Variants in MYO3A observed in about 807,000 individuals in gnomAD.
The protein encoded by MYO3A is myosin IIIA.
A neutral mutation model predicts 192.7 loss-of-function variants in MYO3A; 180 were observed. The observed-to-expected ratio is 0.93, with a 90% CI of 0.83 to 1.06. The LOEUF (loss-of-function observed/expected upper bound fraction) is 1.06, where lower values mean the gene tolerates loss of function less well. MYO3A is among the 50% of genes least tolerant of loss of function. MYO3A has a pLI of 0.00. For missense variants in MYO3A, 1,896 were observed against 1,905.0 expected (o/e 1.00, Z 0.09); for synonymous variants, 628 against 645.3 (o/e 0.97, Z 0.41).
chr10:26,029,631 G>A (rs564730834), intron 10 of MYO3A, among the ~76,000 whole-genome samples: 1 of 151,746 alleles, frequency 6.6e-6, no homozygotes, highest in African/African-American at 2.4e-5. Flanking sequence ...GTGGTTTTTT[G>A]TTAATCACTC....
At chr10:25,985,283 A>G (rs1336634464) in intron 4 of MYO3A, among the ~76,000 whole-genome samples, 1 of 151,854 alleles carries the variant, frequency 6.6e-6, no homozygotes, top group African/African-American at 2.4e-5. Context: ...AAATATATAC[A>G]ATCTAAAGTC....
intron 4 of MYO3A, among the ~76,000 whole-genome samples, chr10:25,995,617 T>C (rs1347393978): frequency 6.6e-6 from 1 of 152,248 alleles, no homozygotes; most frequent in African/African-American, 2.4e-5. Context: ...TTCTGGTTTT[T>C]CCCCATCTTT....
At chr10:25,980,609 A>G (rs1420256927) in intron 4 of MYO3A, among the ~76,000 whole-genome samples, 1 of 152,198 alleles carries the variant, frequency 6.6e-6, no homozygotes, top group African/African-American at 2.4e-5. Context: ...TCTGGAGAAG[A>G]CATTCTAGGG....
chr10:25,987,223 A>G (rs568958379), intron 4 of MYO3A, among the ~76,000 whole-genome samples: 2 of 152,348 alleles, frequency 1.3e-5, no homozygotes, highest in East Asian at 3.9e-4. Context: ...AGATGGATCA[A>G]AGACTTAAAT....
intron 4 of MYO3A, among the ~76,000 whole-genome samples, chr10:25,995,029 T>C (rs1411596413): frequency 6.6e-6 from 1 of 152,230 alleles, no homozygotes; most frequent in Non-Finnish European, 1.5e-5. Context: ...TGGCGTTCTC[T>C]GTATTTCCTG....
chr10:26,055,606 A>G (rs1445181097), intron 10 of MYO3A, among the ~76,000 whole-genome samples: 1 of 152,186 alleles, frequency 6.6e-6, no homozygotes, highest in African/African-American at 2.4e-5. Flanking sequence ...CCTCCAGATT[A>G]GTCAGGTTCT....
At chr10:25,979,956 G>T (rs1026368807) in intron 4 of MYO3A, among the ~76,000 whole-genome samples, 2 of 151,990 alleles carry the variant, frequency 1.3e-5, no homozygotes, top group Admixed American at 1.3e-4. Flanking sequence ...ACAAGGAAAG[G>T]CCGGGCGCAA....
At chr10:26,024,213 C>G in intron 9 of MYO3A, 126 bp downstream of exon 9, 1 of 895,944 alleles carries the variant, frequency 1.1e-6, no homozygotes, top group Non-Finnish European at 1.7e-6. Flanking sequence ...AAGGAAGCAT[C>G]TATAGTGTCT....
chr10:26,147,616 C>T, intron 23 of MYO3A, 57 bp downstream of exon 23: 6 of 1,610,552 alleles, frequency 3.7e-6, no homozygotes, highest in Non-Finnish European at 5.1e-6. Context: ...TAGTTTCTAT[C>T]TCTGCGCTTT....
At position 26,212,068 on chromosome 10, in the gene MYO3A, G is replaced by A. The variant is rs564167067; in HGVS notation, c.*105G>A. The A allele has an allele frequency of 1.4e-6, 2 of 1,461,480 alleles. No homozygotes were observed. Among genetic ancestry groups the A allele is most frequent in the Admixed American group, 2.4e-5 (1 of 41,528 alleles). 90.5% of individuals were successfully genotyped at this position (1,461,480 alleles called of 1,614,324 possible). ...TGGCACCAGCAGGCACTGAAGCTGC[G>A]GCCCTGATCTCCGCAGAGGCTGCCT... is the stretch of plus-strand genomic sequence containing the variant. On this transcript the variant is annotated 3_prime_UTR_variant, in exon 35 of 35. Transcript: ENST00000642920.
chr10:26,130,924 C>G (rs1055715520), intron 20 of MYO3A, among the ~76,000 whole-genome samples: 2 of 152,190 alleles, frequency 1.3e-5, no homozygotes, highest in Non-Finnish European at 2.9e-5. Context: ...GCTATTAAAT[C>G]TTGAATTAAA....
Position 25,938,358 on chromosome 10 carries a change from TGA to T in MYO3A, c.-18+2531_-18+2532del, listed in dbSNP as rs1836251007. 4.6e-5 allele frequency among the ~76,000 whole-genome samples: 7 copies of T among 152,242 alleles called. No individual in the cohort carries two copies. The South Asian group carries it at 1.5e-3, about 32-fold the overall frequency. The stretch of plus-strand genomic sequence containing the variant: ...TTGAGGCTGAAGTCACTGAGAGTGG[TGA>T]GAACACAGGAAAGTCAGAAATGGCC... On this transcript the variant is annotated intron_variant, in intron 2 of 34. Transcript: ENST00000642920.
At chr10:26,191,258 A>G (rs539166116) in intron 31 of MYO3A, among the ~76,000 whole-genome samples, 1 of 152,324 alleles carries the variant, frequency 6.6e-6, no homozygotes, top group East Asian at 1.9e-4. Context: ...GATAATGAGA[A>G]GGAAAAAAAT....
intron 32 of MYO3A, among the ~76,000 whole-genome samples, chr10:26,198,823 C>A (rs1843541193): frequency 6.6e-6 from 1 of 152,152 alleles, no homozygotes; most frequent in Non-Finnish European, 1.5e-5. Context: ...TCTCCTCTTT[C>A]TTTCTTTTCT....
chr10:26,134,850 G>C (rs1333824907), intron 20 of MYO3A, among the ~76,000 whole-genome samples: 2 of 152,036 alleles, frequency 1.3e-5, no homozygotes, highest in Non-Finnish European at 2.9e-5. Flanking sequence ...TCTACCCTGG[G>C]CAATGTTTTC....
intron 4 of MYO3A, among the ~76,000 whole-genome samples, chr10:25,968,203 T>C (rs1337036373): frequency 1.3e-5 from 2 of 152,174 alleles, no homozygotes; most frequent in African/African-American, 4.8e-5. Flanking sequence ...TTAGGGGTCA[T>C]AGATAAGAAT....
intron 4 of MYO3A, among the ~76,000 whole-genome samples, chr10:25,970,203 C>T (rs1371038951): frequency 6.6e-6 from 1 of 151,598 alleles, no homozygotes; most frequent in Non-Finnish European, 1.5e-5. Flanking sequence ...GACCATAAGA[C>T]AAATATCAAC....
intron 25 of MYO3A, among the ~76,000 whole-genome samples, chr10:26,155,134 A>G (rs538160156): frequency 3.3e-5 from 5 of 152,348 alleles, no homozygotes; most frequent in Admixed American, 1.3e-4. Context: ...ATGCTATGAT[A>G]ACTACCAATT....
At chr10:26,048,652 G>T (rs1198525355) in intron 10 of MYO3A, among the ~76,000 whole-genome samples, 1 of 152,226 alleles carries the variant, frequency 6.6e-6, no homozygotes, top group South Asian at 2.1e-4. Flanking sequence ...ATGAATGATA[G>T]TGTAATTCTC....
Sources: gnomAD v4.1 joint callset for allele counts (sites outside exome capture counted in the v4.1 genomes callset) on GRCh38, gnomAD v4.1.1 for gene constraint, MANE v1.5 for transcripts, NCBI Gene and HGNC (gene_info 2026-07-23, HGNC 2026-07-21) for gene names.